The following MAP3K7 variants were observed in gnomAD, a reference collection of about 807,000 sequenced individuals.
MAP3K7 encodes the protein mitogen-activated protein kinase kinase kinase 7, also known as TGF-beta activated kinase 1.
In MAP3K7, 21 loss-of-function variants were observed where a neutral mutation model predicts 84.8. The observed-to-expected ratio is 0.25, with a 90% confidence interval of 0.18 to 0.36. The LOEUF (loss-of-function observed/expected upper bound fraction) is 0.36, where lower values mean the gene tolerates loss of function less well. Among genes scored for constraint, MAP3K7 ranks in the 10% least tolerant of loss-of-function variants. MAP3K7 has a pLI of 1.00. For synonymous variants in MAP3K7, 241 were observed against 247.7 expected, an observed-to-expected ratio of 0.97 and a Z score of 0.25; for missense variants, 503 against 747.7, an observed-to-expected ratio of 0.67 and a Z score of 3.82.
At chr6:90,547,538 G>C (rs1168145568) in intron 10 of MAP3K7, 151 bp from the exon 11 acceptor site, 1 of 795,584 alleles carries the variant, frequency 1.3e-6, no homozygotes, top group Non-Finnish European at 1.9e-6. Flanking sequence ...GGGAGCTACA[G>C]GGGTAAGGGA....
intron 7 of MAP3K7, 74 bp downstream of exon 7, chr6:90,553,384 G>C: frequency 5.2e-6 from 7 of 1,348,850 alleles, no homozygotes; most frequent in Non-Finnish European, 7.2e-6. Context: ...ATATTCTTTA[G>C]GGAAGGGGAC....
chr6:90,565,426 T>G (rs1181861031), intron 3 of MAP3K7, among the ~76,000 whole-genome samples: 2 of 152,164 alleles, frequency 1.3e-5, no homozygotes, highest in African/African-American at 4.8e-5. Context: ...CAGAGAATAC[T>G]ATAAACACCT....
chr6:90,526,797 G>C (rs974481278), intron 13 of MAP3K7, among the ~76,000 whole-genome samples: 15 of 151,932 alleles, frequency 9.9e-5, no homozygotes, highest in Non-Finnish European at 2.2e-4. Flanking sequence ...GGGTTTTACA[G>C]GTAAGTTCTA....
At chr6:90,565,249 A>C (rs1013149815) in intron 3 of MAP3K7, among the ~76,000 whole-genome samples, 3 of 138,280 alleles carry the variant, frequency 2.2e-5, no homozygotes, top group Non-Finnish European at 4.7e-5. Context: ...CAAACCCTTC[A>C]AAAAAAAAAT....
chr6:90,525,813 C>G (rs1256830211), intron 13 of MAP3K7, among the ~76,000 whole-genome samples: 3 of 151,466 alleles, frequency 2.0e-5, no homozygotes, highest in Non-Finnish European at 4.4e-5. Context: ...GTGATCCTCC[C>G]TCCACAGTTT....
chr6:90,535,283 T>C (rs1318800916), intron 13 of MAP3K7, among the ~76,000 whole-genome samples: 3 of 151,884 alleles, frequency 2.0e-5, no homozygotes, highest in East Asian at 1.9e-4. Flanking sequence ...AAGTATATTA[T>C]ACAAATGATA....
chr6:90,523,666 C>A lies in MAP3K7; in HGVS notation c.1462+12G>T. 1 of 1,581,684 alleles carries A rather than the reference C, an allele frequency of 6.3e-7. No individual in the cohort carries two copies. ...ATTCAACTTCATAAGTATGAAGAAA[C>A]AGACTGGTCACCTGTGGAATCATCA... On this transcript the variant is annotated intron_variant, in intron 14 of 16. Transcript: ENST00000369329.
intron 1 of MAP3K7, among the ~76,000 whole-genome samples, chr6:90,576,500 C>T (rs1777087775): frequency 6.6e-6 from 1 of 151,124 alleles, no homozygotes; most frequent in Non-Finnish European, 1.5e-5. Flanking sequence ...AAGCTTTGCC[C>T]TAAGGGAAAA....
At chr6:90,536,447 A>T in intron 12 of MAP3K7, 46 bp from the exon 13 acceptor site, 1 of 1,461,432 alleles carries the variant, frequency 6.8e-7, no homozygotes, top group Non-Finnish European at 9.6e-7. Flanking sequence ...CTAGTCAAAC[A>T]GACAAAAAGC....
In MAP3K7 at chr6:90,535,290, G is replaced by A. The variant is rs188152313; in HGVS notation, c.1356+1047C>T. On this transcript the variant is annotated intron_variant, in intron 13 of 16. Transcript: ENST00000369329. ...CAAATTTTAAGTATATTATACAAAT[G>A]ATATAATAATAAAATACCTTTTTAG... 1.6e-3 allele frequency among the ~76,000 whole-genome samples: 246 copies of A among 151,736 alleles called. 1 individual carries two copies. Among genetic ancestry groups the A allele is most frequent in the Admixed American group, 3.5e-3 (54 of 15,218 alleles).
chr6:90,565,530 G>A (rs1776672635), intron 3 of MAP3K7, among the ~76,000 whole-genome samples: 1 of 152,070 alleles, frequency 6.6e-6, no homozygotes, highest in African/African-American at 2.4e-5. Context: ...TTGAATCCCT[G>A]AATAGACCAA....
rs764462132 is a variant in MAP3K7, at chr6:90,561,612, T to C, written c.343+10A>G. ...ATCCACTAGATAAAGACAGGTCTAATGACACTCACCATTATATAAAGAGCC... is the reference window on the plus strand; with the variant it reads ...ATCCACTAGATAAAGACAGGTCTAACGACACTCACCATTATATAAAGAGCC... On this transcript the variant is annotated intron_variant, in intron 4 of 16. Coordinates refer to ENST00000369329, the MANE Select transcript of MAP3K7 (RefSeq NM_145331.3). The C allele has an allele frequency of 1.9e-6, 3 of 1,600,866 alleles. No individual in the cohort carries two copies. The highest frequency in any genetic ancestry group is 2.6e-6 in the Non-Finnish European group (3 of 1,168,626).
intron 6 of MAP3K7, among the ~76,000 whole-genome samples, chr6:90,555,916 T>C (rs987306564): frequency 2.0e-5 from 3 of 152,220 alleles, no homozygotes; most frequent in Admixed American, 1.3e-4. Context: ...CATATGTATA[T>C]TGTCTGTTAA....
At chr6:90,537,365 T>C (rs1006618175) in intron 12 of MAP3K7, 1 of 152,040 alleles carries the variant, frequency 6.6e-6, no homozygotes, top group African/African-American at 2.4e-5. Context: ...GTAGACAGAA[T>C]TCATTCTTAA....
At chr6:90,558,031 A>G (rs1430141246) in intron 5 of MAP3K7, among the ~76,000 whole-genome samples, 3 of 152,118 alleles carry the variant, frequency 2.0e-5, no homozygotes, top group Non-Finnish European at 2.9e-5. Context: ...AATAAGATAT[A>G]GCAGGTATTG....
intron 12 of MAP3K7, among the ~76,000 whole-genome samples, chr6:90,538,122 G>A (rs747836747): frequency 6.6e-6 from 1 of 151,884 alleles, no homozygotes; most frequent in Admixed American, 6.6e-5. Context: ...ATGAATCAAA[G>A]CAAGCAGTAT....
At chr6:90,575,724 T>A (rs570401802) in intron 1 of MAP3K7, among the ~76,000 whole-genome samples, 10 of 152,170 alleles carry the variant, frequency 6.6e-5, no homozygotes, top group African/African-American at 2.4e-4. Context: ...AGAGGATTAA[T>A]GAAAGCCAAG....
chr6:90,561,723 T>G, intron 3 of MAP3K7, 56 bp from the exon 4 acceptor site: 1 of 1,201,766 alleles, frequency 8.3e-7, no homozygotes, highest in South Asian at 1.3e-5. Context: ...TCTTAGGGCC[T>G]TTGAGAGAGA....
chr6:90,553,510 G>A lies in MAP3K7; in HGVS notation c.684C>T (p.Pro228=), dbSNP rs1419631096. The change falls in exon 7 of 17, where the codon CCC becomes CCT. Residue 228 remains proline, a synonymous_variant. Coordinates refer to ENST00000369329, the MANE Select transcript of MAP3K7 (RefSeq NM_145331.3). Reference sequence around the variant, plus strand: ...AAGCTGGGCCACCAATCTCATCAAAGGGTTTCCGACGCGTTATCACTTCCC... The same window carrying A: ...AAGCTGGGCCACCAATCTCATCAAAAGGTTTCCGACGCGTTATCACTTCCC... ...ILWEVITRRK[P]FDEIGGPAFR... The A allele has an allele frequency of 6.2e-7, 1 of 1,613,804 alleles. No homozygotes were observed. Among genetic ancestry groups the A allele is most frequent in the Admixed American group, 1.7e-5 (1 of 59,986 alleles).
Sources: gnomAD v4.1 joint callset for allele counts (sites outside exome capture counted in the v4.1 genomes callset) on GRCh38, gnomAD v4.1.1 for gene constraint, MANE v1.5 for transcripts, NCBI Gene and HGNC (gene_info 2026-07-23, HGNC 2026-07-21) for gene names.